Variants in PTPRT observed in about 807,000 individuals in gnomAD.
PTPRT encodes the protein receptor-type tyrosine-protein phosphatase T.
PTPRT carries 56 observed loss-of-function variants against 176.8 expected under a neutral mutation model. The observed-to-expected ratio is 0.32, with a 90% CI of 0.26 to 0.40. The LOEUF is 0.40. Ranked by LOEUF, PTPRT falls within the 10% of genes least tolerant of loss-of-function variation. The probability of loss-of-function intolerance (pLI) is 1.00; values close to 1 mark genes in which losing one functional copy is unlikely to be tolerated. For missense variants in PTPRT, 1,540 were observed against 1,908.2 expected (o/e 0.81, Z 3.60); for synonymous variants, 783 against 739.0 (o/e 1.06, Z -0.96).
chr20:42,912,315 T>C (rs1327411085), intron 1 of PTPRT, among the ~76,000 whole-genome samples: 1 of 152,180 alleles, frequency 6.6e-6, no homozygotes, highest in Non-Finnish European at 1.5e-5. Context: ...TTAGGTGAGG[T>C]TGAATGTTTT....
chr20:42,705,572 A>T (rs780113434), intron 6 of PTPRT, among the ~76,000 whole-genome samples: 7 of 152,096 alleles, frequency 4.6e-5, no homozygotes, highest in Non-Finnish European at 8.8e-5. Context: ...AGCTCAGAGG[A>T]CCTTACAATA....
chr20:42,270,489 A>G, intron 13 of PTPRT: 1 of 1,545,016 alleles, frequency 6.5e-7, no homozygotes, highest in Non-Finnish European at 8.8e-7. Context: ...GGCAGCATGC[A>G]GAAGAGAAGG....
chr20:42,952,968 GAC>G (rs1232857658), intron 1 of PTPRT, among the ~76,000 whole-genome samples: 1 of 152,170 alleles, frequency 6.6e-6, no homozygotes, highest in Non-Finnish European at 1.5e-5. Context: ...TCCCTTTGTA[GAC>G]ACAGATCTGA....
chr20:42,186,249 T>C (rs2146616342), intron 16 of PTPRT, among the ~76,000 whole-genome samples: 1 of 152,038 alleles, frequency 6.6e-6, no homozygotes, highest in East Asian at 2.0e-4. Flanking sequence ...AACTCTACCA[T>C]TGTAGTACAA....
chr20:43,096,675 A>G (rs1483313353), intron 1 of PTPRT, among the ~76,000 whole-genome samples: 7 of 152,324 alleles, frequency 4.6e-5, no homozygotes, highest in South Asian at 4.1e-4. Context: ...ATCCAGATGC[A>G]CTGAGAAGGC....
intron 16 of PTPRT, among the ~76,000 whole-genome samples, chr20:42,175,174 T>G (rs533771013): frequency 5.3e-4 from 81 of 152,278 alleles, no homozygotes; most frequent in African/African-American, 1.9e-3. Context: ...CTGCTCAAAC[T>G]TTTTATTGGA....
intron 1 of PTPRT, among the ~76,000 whole-genome samples, chr20:43,028,765 G>C (rs1312783338): frequency 1.3e-5 from 2 of 152,188 alleles, no homozygotes; most frequent in Non-Finnish European, 2.9e-5. Flanking sequence ...ACGCCTAGGA[G>C]CAGCAAGAGC....
At chr20:42,788,046 GAAGTA>G (rs1347840500) in intron 3 of PTPRT, among the ~76,000 whole-genome samples, 8 of 152,196 alleles carry the variant, frequency 5.3e-5, no homozygotes, top group African/African-American at 1.9e-4. Context: ...AAAAGACACC[GAAGTA>G]AAGAGGCCAA....
At chr20:42,561,593 C>T (rs186985521) in intron 7 of PTPRT, among the ~76,000 whole-genome samples, 1 of 152,260 alleles carries the variant, frequency 6.6e-6, no homozygotes, top group African/African-American at 2.4e-5. Context: ...ACTGTGTGTA[C>T]TGCTGTTTGG....
intron 13 of PTPRT, among the ~76,000 whole-genome samples, chr20:42,275,980 A>G (rs930436126): frequency 2.0e-5 from 3 of 152,170 alleles, no homozygotes; most frequent in Non-Finnish European, 4.4e-5. Context: ...GACAAGATTT[A>G]TAAAGACTGA....
At chr20:42,570,292 C>T (rs2073132538) in intron 7 of PTPRT, among the ~76,000 whole-genome samples, 1 of 152,174 alleles carries the variant, frequency 6.6e-6, no homozygotes, top group Non-Finnish European at 1.5e-5. Flanking sequence ...ACCCTTCACT[C>T]CAGAGCTCTC....
intron 15 of PTPRT, among the ~76,000 whole-genome samples, chr20:42,209,958 T>C (rs1600680441): frequency 6.6e-6 from 1 of 152,166 alleles, no homozygotes; most frequent in East Asian, 1.9e-4. Flanking sequence ...CATGATCAAG[T>C]GGGCTTCCTC....
chr20:42,598,180 C>T (rs925087176), intron 7 of PTPRT, among the ~76,000 whole-genome samples: 3 of 151,878 alleles, frequency 2.0e-5, no homozygotes, highest in African/African-American at 7.3e-5. Context: ...AAAAAGAGTG[C>T]TATGATGTAT....
At chr20:42,778,675 C>T (rs2077171809) in intron 4 of PTPRT, among the ~76,000 whole-genome samples, 1 of 152,192 alleles carries the variant, frequency 6.6e-6, no homozygotes, top group Admixed American at 6.5e-5. Flanking sequence ...AACACAGTTG[C>T]CCAGTCTTAG....
chr20:42,075,272 A>G lies in PTPRT; in HGVS notation c.*5607T>C, dbSNP rs985832462. The G allele has an allele frequency of 5.1e-5, 12 of 235,186 alleles. No individual in the cohort carries two copies. Among genetic ancestry groups the G allele is most frequent in the Admixed American group, 1.7e-4 (3 of 17,842 alleles). 14.6% of individuals were successfully genotyped at this position (235,186 alleles called of 1,614,324 possible). On this transcript the variant is annotated 3_prime_UTR_variant, in exon 31 of 31. Coordinates refer to ENST00000373187, the MANE Select transcript of PTPRT (RefSeq NM_007050.6). ...TAAGAAGGAGCTCAGACTGTTAAGT[A>G]ATGGGGAAGCCAAGTCAGGGATTTG...
intron 9 of PTPRT, among the ~76,000 whole-genome samples, chr20:42,386,222 A>C (rs1040803626): frequency 3.3e-5 from 5 of 152,192 alleles, no homozygotes; most frequent in Non-Finnish European, 7.3e-5. Flanking sequence ...GGTGAGCCAA[A>C]ATCCCATTTT....
At chr20:42,890,742 G>T (rs887913022) in intron 1 of PTPRT, among the ~76,000 whole-genome samples, 6 of 152,164 alleles carry the variant, frequency 3.9e-5, no homozygotes, top group Non-Finnish European at 5.9e-5. Flanking sequence ...AGGTGTTTAT[G>T]GCAGCTTAGG....
intron 7 of PTPRT, among the ~76,000 whole-genome samples, chr20:42,508,768 T>C (rs1441199715): frequency 6.6e-6 from 1 of 151,638 alleles, no homozygotes; most frequent in Non-Finnish European, 1.5e-5. Flanking sequence ...TGAGCTATTA[T>C]TACTGTTGTT....
At chr20:42,262,359 A>G (rs1222473529) in intron 13 of PTPRT, among the ~76,000 whole-genome samples, 2 of 152,154 alleles carry the variant, frequency 1.3e-5, no homozygotes, top group East Asian at 1.9e-4. Context: ...GGTCTTCCCT[A>G]TGACTGCCCA....
Sources: allele counts gnomAD v4.1 joint callset (sites outside exome capture counted in the v4.1 genomes callset), GRCh38; gene constraint gnomAD v4.1.1; transcripts MANE v1.5; gene names NCBI Gene and HGNC (gene_info 2026-07-23, HGNC 2026-07-21).